Variants in NOP56 observed in about 807,000 individuals in gnomAD.
NOP56 encodes the protein NOP56 ribonucleoprotein.
A neutral mutation model predicts 58.3 loss-of-function variants in NOP56; 31 were observed. The observed-to-expected ratio is 0.53, with a 90% CI of 0.40 to 0.72. The LOEUF (loss-of-function observed/expected upper bound fraction) is 0.72. Ranked by LOEUF, NOP56 falls within the 30% of genes least tolerant of loss-of-function variation. NOP56 has a pLI of 0.00. For synonymous variants in NOP56, 313 were observed against 282.8 expected, an observed-to-expected ratio of 1.11 and a Z score of -1.07; for missense variants, 669 against 739.9, an observed-to-expected ratio of 0.90 and a Z score of 1.11.
Position 2,655,606 on chromosome 20 carries a change from T to C in NOP56, c.769T>C (p.Ser257Pro), listed in dbSNP as rs1214113074. 3 of 1,614,188 alleles carry C rather than the reference T, an allele frequency of 1.9e-6. No homozygotes were observed. The highest frequency in any genetic ancestry group is 2.5e-6 in the Non-Finnish European group (3 of 1,180,032). The change falls in exon 7 of 12, where the codon TCT (serine) becomes CCT (proline). Residue 257 changes from serine (S) to proline (P), a missense_variant. By Grantham distance (74) the Ser-to-Pro change is moderately conservative. Coordinates refer to ENST00000329276, the MANE Select transcript of NOP56 (RefSeq NM_006392.4). ...ASRSSMGMDI[S>P]AIDLINIESF... ...TTGGTTTTTCCTAGGCATGGACATA[T>C]CTGCCATTGACTTGATAAACATCGA... is the stretch of plus-strand genomic sequence containing the variant.
intron 2 of NOP56, 90 bp downstream of exon 2, chr20:2,653,021 C>A: frequency 8.1e-7 from 1 of 1,237,082 alleles, no homozygotes; most frequent in South Asian, 1.5e-5. Context: ...CGTGGCCGGC[C>A]GAGCGGTTCG....
intron 11 of NOP56, chr20:2,657,650 CCT>C (rs2086843767): frequency 9.7e-6 from 5 of 516,834 alleles, no homozygotes; most frequent in Non-Finnish European, 1.7e-5. Flanking sequence ...GTTTCAGGGC[CCT>C]GTCTGGAACT....
chr20:2,656,602 G>A, intron 9 of NOP56, 53 bp downstream of exon 9: 1 of 1,610,056 alleles, frequency 6.2e-7, no homozygotes, highest in Non-Finnish European at 8.5e-7. Context: ...TGGCTGGGTG[G>A]GGAGGCTTGC....
At chr20:2,656,702 G>A (rs1465967569) in intron 9 of NOP56, 72 bp from the exon 10 acceptor site, 2 of 1,613,058 alleles carry the variant, frequency 1.2e-6, no homozygotes, top group Middle Eastern at 1.6e-4. Context: ...TGAAGCTGAG[G>A]GTAGAGGGAA....
rs1195224303 is a variant in NOP56 at position 2,654,505 on chromosome 20, T to G, written c.300T>G (p.Ile100Met). Residue 100 changes from isoleucine (I) to methionine (M), a missense_variant, in exon 4 of 12, where the codon ATT (isoleucine) becomes ATG (methionine). Ile to Met is a conservative substitution (Grantham distance 10). Coordinates refer to ENST00000329276, the MANE Select transcript of NOP56 (RefSeq NM_006392.4). ...TCTTGGGAGTTGGGGATCCCAAGAT[T>G]GGTGCCGCAATACAGGAGGAGTTAG... ...KVLLGVGDPKIGAAIQEELGY... is the reference protein window; with the variant it reads ...KVLLGVGDPKMGAAIQEELGY... 6.2e-7 allele frequency: 1 copy of G among 1,614,184 alleles called. No homozygotes were observed. Among genetic ancestry groups the G allele is most frequent in the Non-Finnish European group, 8.5e-7 (1 of 1,180,030 alleles).
intron 11 of NOP56, 75 bp from the exon 12 acceptor site, chr20:2,657,854 C>A: frequency 6.8e-7 from 1 of 1,478,546 alleles, no homozygotes; most frequent in Non-Finnish European, 9.1e-7. Flanking sequence ...ACGCGTTCCC[C>A]TGCCTTGGCT....
Position 2,652,832 on chromosome 20 carries a change from C to A in NOP56, c.4-10C>A. 6.2e-7 allele frequency: 1 copy of A among 1,608,674 alleles called. No individual in the cohort carries two copies. The highest frequency in any genetic ancestry group is 8.5e-7 in the Non-Finnish European group (1 of 1,178,228). On this transcript the variant is annotated splice_polypyrimidine_tract_variant and intron_variant, in intron 1 of 11. Transcript: ENST00000329276. ...TTGCGTTGACGCTCGCGCCCCGGCT[C>A]CCGTTCCAGGTGCTGTTGCACGTGC... is the stretch of plus-strand genomic sequence containing the variant.
chr20:2,658,267 G>C lies in NOP56; in HGVS notation c.1758G>C (p.Lys586Asn). ...VGKSSSKKKK[K>N]FHKASQED Reference sequence around the variant, plus strand: ...AGAGCAGCTCCAAGAAGAAGAAAAAGTTCCATAAAGCATCCCAGGAAGATT... The same window carrying C: ...AGAGCAGCTCCAAGAAGAAGAAAAACTTCCATAAAGCATCCCAGGAAGATT... Residue 586 changes from lysine to asparagine, a missense_variant, in exon 12 of 12, where the codon AAG becomes AAC. Lys to Asn is a moderately conservative substitution (Grantham distance 94). This residue lies in a region of NOP56 where 209 missense variants were observed against 196.2 expected (regional missense o/e 1.07). Transcript: ENST00000329276. 6.3e-7 allele frequency: 1 copy of C among 1,595,418 alleles called. No homozygotes were observed. The highest frequency in any genetic ancestry group is 8.5e-7 in the Non-Finnish European group (1 of 1,171,142).
chr20:2,655,201 T>C (rs762339563), intron 5 of NOP56, 124 bp from the exon 6 acceptor site: 1 of 1,284,594 alleles, frequency 7.8e-7, no homozygotes, highest in African/African-American at 1.5e-5. Flanking sequence ...GAACATAGAA[T>C]TGAGGAAGAT....
At chr20:2,657,349 T>A in intron 11 of NOP56, 131 bp downstream of exon 11, 2 of 1,263,402 alleles carry the variant, frequency 1.6e-6, no homozygotes, top group Non-Finnish European at 2.3e-6. Context: ...CTGAAACATC[T>A]AAAACTACCT....
In NOP56 at chr20:2,654,562, T is replaced by C. The variant is rs371739806; in HGVS notation, c.357T>C (p.Ala119=). The C allele has an allele frequency of 5.9e-5, 96 of 1,613,886 alleles. No homozygotes were observed. Among genetic ancestry groups the C allele is most frequent in the Non-Finnish European group, 8.0e-5 (94 of 1,179,840 alleles). ...ACTGCCAGACTGGAGGAGTCATAGC[T>C]GAGATCCTGCGAGGTGAGACCATCA... ...GYNCQTGGVI[A]EILRGVRLHF... The change falls in exon 4 of 12, where the codon GCT becomes GCC. Residue 119 remains alanine, a synonymous_variant. Transcript: ENST00000329276.
intron 2 of NOP56, 76 bp downstream of exon 2, chr20:2,653,007 C>T: frequency 7.5e-7 from 1 of 1,342,046 alleles, no homozygotes; most frequent in Non-Finnish European, 1.0e-6. Flanking sequence ...ACAGCGCGCT[C>T]CCACGTGGCC....
Position 2,655,620 on chromosome 20 carries a change from G to A in NOP56, c.783G>A (p.Leu261=). 1 of 1,614,182 alleles carries A rather than the reference G, an allele frequency of 6.2e-7. No individual in the cohort carries two copies. The highest frequency in any genetic ancestry group is 8.5e-7 in the Non-Finnish European group (1 of 1,180,034). ...SMGMDISAID[L]INIESFSSRV... ...GCATGGACATATCTGCCATTGACTT[G>A]ATAAACATCGAGAGCTTCTCCAGTC... The change falls in exon 7 of 12, where the codon TTG becomes TTA. Residue 261 remains leucine, a synonymous_variant. Transcript: ENST00000329276.
Position 2,655,701 on chromosome 20 carries a change from G to A in NOP56, c.864G>A (p.Lys288=). The change falls in exon 7 of 12, where the codon AAG becomes AAA. Residue 288 remains lysine (K), a synonymous_variant. Transcript: ENST00000329276. ...RQSLHTYLRS[K]MSQVAPSLSA... The stretch of plus-strand genomic sequence containing the variant: ...GCCTACACACTTACCTGCGCTCCAA[G>A]ATGAGCCAAGTAGCCCCCAGCCTGT... 2 of 1,614,194 alleles carry A rather than the reference G, an allele frequency of 1.2e-6. No individual in the cohort carries two copies. Among genetic ancestry groups the A allele is most frequent in the Non-Finnish European group, 1.7e-6 (2 of 1,180,022 alleles).
Position 2,652,752 on chromosome 20 carries a change from G to GGCCTGC in NOP56, c.4-71_4-66dup, listed in dbSNP as rs566242628. On this transcript the variant is annotated intron_variant, in intron 1 of 11. Coordinates refer to ENST00000329276, the MANE Select transcript of NOP56 (RefSeq NM_006392.4). The stretch of plus-strand genomic sequence containing the variant: ...CAGACAGGGCCTGGGCCTGGGCCTG[G>GGCCTGC]GCCTGCGCCTGCGCCTGCGCCTGCC... 3.8e-4 allele frequency: 579 copies of GGCCTGC among 1,508,424 alleles called. 7 individuals carry two copies. The South Asian group carries it at 3.9e-3, about 10-fold the overall frequency. The allele number at this position is 1,508,424 out of a possible 1,614,324, so 93.4% of individuals were successfully genotyped here. A position where few individuals can be genotyped will look rare whatever the true frequency, so the allele number is the denominator to read the frequency against.
Position 2,658,054 on chromosome 20 carries a change from G to A in NOP56, c.1545G>A (p.Glu515=). 1 of 1,613,770 alleles carries A rather than the reference G, an allele frequency of 6.2e-7. No individual in the cohort carries two copies. Among genetic ancestry groups the A allele is most frequent in the South Asian group, 1.1e-5 (1 of 91,064 alleles). Residue 515 remains glutamate (E), a synonymous_variant, in exon 12 of 12, where the codon GAG becomes GAA. Coordinates refer to ENST00000329276, the MANE Select transcript of NOP56 (RefSeq NM_006392.4). Reference sequence around the variant, plus strand: ...AGAAAAAGAAATCTTTTTCCAAGGAGGAGTTGATGAGTAGCGATCTTGAAG... The same window carrying A: ...AGAAAAAGAAATCTTTTTCCAAGGAAGAGTTGATGAGTAGCGATCTTGAAG... The part of the protein sequence containing the change: ...KPKKKKSFSK[E]ELMSSDLEET...
In NOP56 at chr20:2,652,670, A is replaced by T. The variant is rs992267591; in HGVS notation, c.3+7A>T. The T allele has an allele frequency of 2.8e-6, 4 of 1,452,566 alleles. No individual in the cohort carries two copies. Among genetic ancestry groups the T allele is most frequent in the Non-Finnish European group, 2.7e-6 (3 of 1,111,294 alleles). The allele number at this position is 1,452,566 out of a possible 1,614,324, so 90.0% of individuals were successfully genotyped here. ...CCCGGGAGCTGGCGCCATGGTGAGG[A>T]GTGGTTGCGGGGCGCGGGCGACGCG... On this transcript the variant is annotated splice_region_variant and intron_variant, in intron 1 of 11. Transcript: ENST00000329276.
Position 2,657,126 on chromosome 20 carries a change from G to A in NOP56, c.1327G>A (p.Glu443Lys). 2.5e-6 allele frequency: 4 copies of A among 1,613,858 alleles called. No individual in the cohort carries two copies. The highest frequency in any genetic ancestry group is 3.4e-6 in the Non-Finnish European group (4 of 1,180,026). The change falls in exon 11 of 12, where the codon GAG becomes AAG. Residue 443 changes from glutamate to lysine, a missense_variant. Transcript: ENST00000329276. Reference sequence around the variant, plus strand: ...GATTACTAGGAAGCTGGAGAAACAGGAGAAGAAACGCTTAAAGAAGGAAAA... The same window carrying A: ...GATTACTAGGAAGCTGGAGAAACAGAAGAAGAAACGCTTAAAGAAGGAAAA... ...AEITRKLEKQEKKRLKKEKKR... is the reference protein window; with the variant it reads ...AEITRKLEKQKKKRLKKEKKR...
Position 2,652,659 on chromosome 20 carries a change from C to T in NOP56, c.-2C>T, listed in dbSNP as rs367831898. The T allele has an allele frequency of 1.3e-5, 18 of 1,434,100 alleles. No individual in the cohort carries two copies. The African/African-American group carries it at 2.0e-4, about 16-fold the overall frequency. The allele number at this position is 1,434,100 out of a possible 1,614,324, so 88.8% of individuals were successfully genotyped here. On this transcript the variant is annotated 5_prime_UTR_variant, in exon 1 of 12. Transcript: ENST00000329276. The stretch of plus-strand genomic sequence containing the variant: ...TGCGAGCCGAACCCGGGAGCTGGCG[C>T]CATGGTGAGGAGTGGTTGCGGGGCG...
Sources: gnomAD v4.1 joint callset for allele counts on GRCh38, gnomAD v4.1.1 for gene constraint, gnomAD v4.1.1 regional missense constraint, MANE v1.5 for transcripts, NCBI Gene and HGNC (gene_info 2026-07-23, HGNC 2026-07-21) for gene names.